CHD2: variants seen among roughly 807,000 people sequenced by gnomAD.
The protein encoded by CHD2 is ATP-dependent chromatin remodeler CHD2.
In CHD2, 28 loss-of-function variants were observed where a neutral mutation model predicts 243.9. That is an observed-to-expected ratio of 0.11 (90% CI 0.09 to 0.16). The LOEUF is 0.16. Ranked by LOEUF, CHD2 falls within the 10% of genes least tolerant of loss-of-function variation. The pLI is 1.00. For missense variants in CHD2, 1,386 were observed against 2,209.8 expected (o/e 0.63, Z 7.47); for synonymous variants, 775 against 779.0 (o/e 0.99, Z 0.09).
chr15:92,980,740 G>A (rs936098121), intron 22 of CHD2, 75 bp from the exon 23 acceptor site: 1 of 1,045,686 alleles, frequency 9.6e-7, no homozygotes, highest in African/African-American at 1.6e-5. Context: ...ACCTCTTTCT[G>A]AAGGATAGTT....
chr15:92,937,820 G>A (rs1338971439), intron 6 of CHD2, among the ~76,000 whole-genome samples, 195 bp downstream of exon 6: 1 of 152,206 alleles, frequency 6.6e-6, no homozygotes, highest in Non-Finnish European at 1.5e-5. Context: ...ACTGGCTATC[G>A]TGGGGCAAAC....
chr15:92,932,640 GCA>G (rs2053192891), intron 5 of CHD2, among the ~76,000 whole-genome samples: 2 of 152,214 alleles, frequency 1.3e-5, no homozygotes, highest in South Asian at 4.1e-4. Context: ...TTAATTGGGA[GCA>G]CTTTCACAGC....
Position 92,946,145 on chromosome 15 carries a change from A to C in CHD2, c.1306A>C (p.Lys436Gln). ...GGAAGATGAAGCCCTCATTGGAAAG[A>C]AATTCCAGAATTGCATTGACAGCTT... ...SWEDEALIGK[K>Q]FQNCIDSFHS... The change falls in exon 12 of 39, where the codon AAA becomes CAA. Residue 436 changes from lysine (K) to glutamine (Q), a missense_variant. Around this residue, in one of 19 missense-constraint regions of CHD2, gnomAD observed 200 missense variants for 292.5 expected, o/e 0.68. Coordinates refer to ENST00000394196, the MANE Select transcript of CHD2 (RefSeq NM_001271.4). 2 of 1,613,860 alleles carry C rather than the reference A, an allele frequency of 1.2e-6. No homozygotes were observed. The highest frequency in any genetic ancestry group is 1.7e-6 in the Non-Finnish European group (2 of 1,179,812).
chr15:93,020,509 C>T (rs981848260), intron 38 of CHD2: 6 of 601,584 alleles, frequency 1.0e-5, no homozygotes, highest in East Asian at 2.8e-5. Context: ...GTGAAGAGGT[C>T]GCCATAAAAT....
intron 16 of CHD2, among the ~76,000 whole-genome samples, chr15:92,958,174 A>G (rs2053641091): frequency 6.6e-6 from 1 of 152,208 alleles, no homozygotes; most frequent in Non-Finnish European, 1.5e-5. Flanking sequence ...CATTTTAGAA[A>G]CTACCACGCT....
chr15:92,908,415 A>G (rs1295499004), intron 2 of CHD2, among the ~76,000 whole-genome samples: 1 of 151,998 alleles, frequency 6.6e-6, no homozygotes, highest in Non-Finnish European at 1.5e-5. Flanking sequence ...GGTTTCCTCT[A>G]CTTCCTCTAT....
At chr15:92,903,308 G>A (rs937072271) in intron 2 of CHD2, among the ~76,000 whole-genome samples, 30 of 152,152 alleles carry the variant, frequency 2.0e-4, no homozygotes, top group African/African-American at 7.2e-4. Flanking sequence ...ATTGCCCAAA[G>A]TATAGTGTTT....
chr15:93,004,806 C>T, intron 34 of CHD2, 55 bp downstream of exon 34: 2 of 1,580,882 alleles, frequency 1.3e-6, no homozygotes, highest in South Asian at 1.2e-5. Context: ...CTTGCTGTGG[C>T]TCTGCCTTTT....
rs540273361 is a variant in CHD2, at chr15:93,017,664, A to T, written c.4907-2348A>T. Among the ~76,000 whole-genome samples the T allele has an allele frequency of 8.7e-4, 132 of 151,974 alleles. 1 individual carries two copies. Among genetic ancestry groups the T allele is most frequent in the Middle Eastern group, 3.4e-3 (1 of 294 alleles). ...GCCTGGCCTAAACGCATTCTTTTTA[A>T]TCTTCCCTTTCTCATTGTTTTTGGC... On this transcript the variant is annotated intron_variant, in intron 37 of 38. Coordinates refer to ENST00000394196, the MANE Select transcript of CHD2 (RefSeq NM_001271.4).
intron 28 of CHD2, among the ~76,000 whole-genome samples, chr15:92,996,207 T>C (rs1210091620): frequency 6.7e-6 from 1 of 149,712 alleles, no homozygotes; most frequent in African/African-American, 2.5e-5. Context: ...TCTCCAAGGC[T>C]GGAGCACAGT....
chr15:92,939,442 T>A, intron 6 of CHD2, 136 bp from the exon 7 acceptor site: 1 of 912,428 alleles, frequency 1.1e-6, no homozygotes, highest in Non-Finnish European at 1.6e-6. Context: ...GGCCCAAGAA[T>A]ATGCATGTTT....
intron 19 of CHD2, among the ~76,000 whole-genome samples, chr15:92,973,192 G>A (rs1276243043): frequency 6.6e-6 from 1 of 152,140 alleles, no homozygotes; most frequent in African/African-American, 2.4e-5. Flanking sequence ...GCTACTCCCT[G>A]AAGTAAGTGA....
intron 2 of CHD2, among the ~76,000 whole-genome samples, chr15:92,903,706 TAAGTA>T (rs558726461): frequency 4.2e-4 from 64 of 152,260 alleles, no homozygotes; most frequent in African/African-American, 1.5e-3. Flanking sequence ...GGGGATAACT[TAAGTA>T]ACATCAAAGA....
At chr15:92,964,433 A>G (rs1027101291) in intron 16 of CHD2, among the ~76,000 whole-genome samples, 1 of 152,214 alleles carries the variant, frequency 6.6e-6, no homozygotes, top group Non-Finnish European at 1.5e-5. Context: ...GAAGTTCCTG[A>G]GGTACCTTAG....
intron 16 of CHD2, among the ~76,000 whole-genome samples, chr15:92,960,915 G>C (rs2053679546): frequency 6.6e-6 from 1 of 151,648 alleles, no homozygotes; most frequent in Non-Finnish European, 1.5e-5. Context: ...GTGGGGTTTT[G>C]CCATGTCAGC....
At chr15:92,991,924 G>A (rs2054125438) in intron 27 of CHD2, among the ~76,000 whole-genome samples, 1 of 152,154 alleles carries the variant, frequency 6.6e-6, no homozygotes, top group Non-Finnish European at 1.5e-5. Context: ...CTGCTAATTA[G>A]CAGGATTTTA....
At position 92,985,509 on chromosome 15, in the gene CHD2, T is replaced by C; in HGVS notation, c.3249T>C (p.Asn1083=). The change falls in exon 26 of 39, where the codon AAT becomes AAC. Residue 1083 remains asparagine (N), a synonymous_variant. Coordinates refer to ENST00000394196, the MANE Select transcript of CHD2 (RefSeq NM_001271.4). ...TCGATCTTTCTCAGGCTCAGACAAA[T>C]GACAGTGACTCTGACACTGAGTCTA... The part of the protein sequence containing the change: ...IRSSTKKAQT[N]DSDSDTESKR... The C allele has an allele frequency of 2.5e-6, 4 of 1,612,164 alleles. No homozygotes were observed. Among genetic ancestry groups the C allele is most frequent in the Non-Finnish European group, 2.5e-6 (3 of 1,178,794 alleles).
chr15:92,941,916 A>G lies in CHD2; in HGVS notation c.787A>G (p.Ile263Val), dbSNP rs1596395371. The change falls in exon 8 of 39, where the codon ATT becomes GTT. Residue 263 changes from isoleucine (I) to valine (V), a missense_variant. Ile to Val is a conservative substitution (Grantham distance 29, BLOSUM62 3). Coordinates refer to ENST00000394196, the MANE Select transcript of CHD2 (RefSeq NM_001271.4). ...VDEQQDNSET[I>V]EKVLDSRLGK... ...TGAACAGCAAGATAATAGTGAAACT[A>G]TTGAAAAGGTCTTAGATTCAAGACT... 6.2e-7 allele frequency: 1 copy of G among 1,613,590 alleles called. No homozygotes were observed. Among genetic ancestry groups the G allele is most frequent in the Non-Finnish European group, 8.5e-7 (1 of 1,179,722 alleles).
intron 2 of CHD2, chr15:92,904,609 T>G: frequency 8.6e-7 from 1 of 1,157,096 alleles, no homozygotes; most frequent in Non-Finnish European, 1.1e-6. Flanking sequence ...TGTAGTGTGT[T>G]CTTTTGCCCA....
Sources: allele counts gnomAD v4.1 joint callset (sites outside exome capture counted in the v4.1 genomes callset), GRCh38; gene constraint gnomAD v4.1.1; regional missense constraint gnomAD v4.1.1; transcripts MANE v1.5; gene names NCBI Gene and HGNC (gene_info 2026-07-23, HGNC 2026-07-21).